GALNT10: variants seen among roughly 807,000 people sequenced by gnomAD.
The protein encoded by GALNT10 is polypeptide N-acetylgalactosaminyltransferase 10.
A neutral mutation model predicts 75.0 loss-of-function variants in GALNT10; 41 were observed. The ratio of observed to expected loss-of-function variants is 0.55; its 90% confidence interval spans 0.43 to 0.71. GALNT10 has a LOEUF of 0.71. Among genes scored for constraint, GALNT10 ranks in the 30% least tolerant of loss-of-function variants. The pLI is 0.00. For missense variants in GALNT10, 727 were observed against 818.5 expected, an observed-to-expected ratio of 0.89 and a Z score of 1.36; for synonymous variants, 302 against 313.0, an observed-to-expected ratio of 0.96 and a Z score of 0.37.
At chr5:154,248,624 G>A (rs868006545) in intron 1 of GALNT10, among the ~76,000 whole-genome samples, 3 of 152,148 alleles carry the variant, frequency 2.0e-5, no homozygotes, top group South Asian at 2.1e-4. Context: ...TTCTCTGATG[G>A]TAGTTTGTAT....
chr5:154,275,001 G>A (rs60901700), intron 1 of GALNT10, among the ~76,000 whole-genome samples: 2,229 of 152,278 alleles, frequency 0.015, 55 homozygotes, highest in African/African-American at 0.05. Context: ...TGGATTGGAA[G>A]GTTTCAGGAA....
rs735181 is a variant in GALNT10 at position 154,321,469 on chromosome 5, G to A, written c.402-8103G>A. On this transcript the variant is annotated intron_variant, in intron 3 of 11. Coordinates refer to ENST00000297107, the MANE Select transcript of GALNT10 (RefSeq NM_198321.4). The stretch of plus-strand genomic sequence containing the variant: ...ACTACAGGTGCCCACCACTACACCC[G>A]GCTAATTGTTTTTTTGTTAGTTTGT... Among the ~76,000 whole-genome samples the A allele has an allele frequency of 2.3e-4, 35 of 152,020 alleles. No homozygotes were observed. In the South Asian group the frequency reaches 4.4e-3, roughly 19 times the overall value.
In GALNT10 at chr5:154,415,781, A is replaced by G; in HGVS notation, c.1504-2A>G. ...CCCTATTTATGATGCCCCTGTGCAC[A>G]GGTATTCACCTTCACCTGGAGAGAG... On this transcript the variant is annotated splice_acceptor_variant, in intron 10 of 11. Transcript: ENST00000297107. LOFTEE classifies it high-confidence loss of function. The G allele has an allele frequency of 6.2e-7, 1 of 1,613,944 alleles. No homozygotes were observed. Among genetic ancestry groups the G allele is most frequent in the Non-Finnish European group, 8.5e-7 (1 of 1,179,862 alleles).
intron 4 of GALNT10, among the ~76,000 whole-genome samples, chr5:154,350,516 G>T (rs1755190825): frequency 6.6e-6 from 1 of 152,192 alleles, no homozygotes; most frequent in Non-Finnish European, 1.5e-5. Context: ...TAGTTAAATA[G>T]ATGTATGTGC....
At chr5:154,396,342 A>G (rs911612344) in intron 7 of GALNT10, among the ~76,000 whole-genome samples, 2 of 152,248 alleles carry the variant, frequency 1.3e-5, no homozygotes, top group Non-Finnish European at 2.9e-5. Flanking sequence ...GCATCCACAT[A>G]GGGAGTCCAG....
chr5:154,368,100 C>T (rs561761000), intron 4 of GALNT10, among the ~76,000 whole-genome samples: 1 of 152,310 alleles, frequency 6.6e-6, no homozygotes. Context: ...AAATCCGGCT[C>T]AGTGGGCCCC....
chr5:154,225,985 G>A (rs1753057960), intron 1 of GALNT10, among the ~76,000 whole-genome samples: 2 of 152,192 alleles, frequency 1.3e-5, no homozygotes, highest in African/African-American at 2.4e-5. Context: ...GCCTGTTGTG[G>A]GGTAGGGGAA....
intron 1 of GALNT10, among the ~76,000 whole-genome samples, chr5:154,264,315 A>G (rs1354110483): frequency 9.9e-6 from 1 of 101,244 alleles, no homozygotes; most frequent in Non-Finnish European, 2.2e-5. Flanking sequence ...TCTGTCTCCA[A>G]AAAAAAAAAA....
intron 7 of GALNT10, among the ~76,000 whole-genome samples, chr5:154,395,832 A>G (rs1264279553): frequency 2.0e-5 from 3 of 152,232 alleles, no homozygotes; most frequent in Non-Finnish European, 2.9e-5. Context: ...GACGAGCAGC[A>G]TTAGCATCAC....
chr5:154,300,428 A>AC (rs1754342849), intron 3 of GALNT10, among the ~76,000 whole-genome samples: 1 of 152,086 alleles, frequency 6.6e-6, no homozygotes, highest in Non-Finnish European at 1.5e-5. Flanking sequence ...CCAGGACCCC[A>AC]CCCCAGACCA....
At chr5:154,391,798 C>CTAT (rs1211124833) in intron 7 of GALNT10, among the ~76,000 whole-genome samples, 3 of 152,218 alleles carry the variant, frequency 2.0e-5, no homozygotes, top group Non-Finnish European at 4.4e-5. Flanking sequence ...TGCCTAGTCC[C>CTAT]TATTTCATCT....
rs948764063 is a variant in GALNT10, at chr5:154,298,196, A to G, written c.401+117A>G. ...GCTGACGGAGACACCCTCCTCTTTC[A>G]CAGGCATTTGTGCAAAGGTTCATGG... On this transcript the variant is annotated intron_variant, in intron 3 of 11. Transcript: ENST00000297107. This position sits in a 1 kb window ranked among gnomAD's most constrained non-coding sequence, Gnocchi z 4.1. The G allele has an allele frequency of 8.9e-6, 8 of 901,088 alleles. No individual in the cohort carries two copies. The African/African-American group carries it at 1.3e-4, about 15-fold the overall frequency. The allele number at this position is 901,088 out of a possible 1,614,324, so 55.8% of individuals were successfully genotyped here. A position where few individuals can be genotyped will look rare whatever the true frequency, so the allele number is the denominator to read the frequency against.
intron 1 of GALNT10, among the ~76,000 whole-genome samples, chr5:154,283,088 C>T (rs1455504816): frequency 6.6e-6 from 1 of 152,132 alleles, no homozygotes; most frequent in East Asian, 1.9e-4. Flanking sequence ...CCTTTGTGCT[C>T]TCTTGTGGTT....
intron 1 of GALNT10, among the ~76,000 whole-genome samples, chr5:154,243,416 C>T (rs1056287186): frequency 3.3e-5 from 5 of 152,198 alleles, no homozygotes; most frequent in South Asian, 2.1e-4. Context: ...CCAGGTGTAC[C>T]TGGGTATACT....
chr5:154,372,919 C>A (rs1278048909), intron 4 of GALNT10, among the ~76,000 whole-genome samples: 1 of 152,170 alleles, frequency 6.6e-6, no homozygotes, highest in East Asian at 1.9e-4. Context: ...TGGGCTTTCC[C>A]ACCTTCAGAA....
intron 2 of GALNT10, 34 bp downstream of exon 2, chr5:154,294,952 T>G: frequency 9.3e-6 from 9 of 970,750 alleles, no homozygotes; most frequent in Non-Finnish European, 1.5e-5. Context: ...GGGTGGGCTC[T>G]GTGAAGGGCA....
intron 8 of GALNT10, among the ~76,000 whole-genome samples, chr5:154,408,631 T>C (rs892675534): frequency 2.6e-5 from 4 of 152,018 alleles, no homozygotes; most frequent in Non-Finnish European, 5.9e-5. Flanking sequence ...TTGCCAATCA[T>C]GTGGCTGTCA....
intron 3 of GALNT10, among the ~76,000 whole-genome samples, chr5:154,317,650 C>T (rs1005118735): frequency 2.0e-5 from 3 of 152,112 alleles, no homozygotes; most frequent in East Asian, 3.9e-4. Flanking sequence ...CAGAAGCCAT[C>T]GCTGGGTCCA....
chr5:154,394,810 A>T lies in GALNT10; in HGVS notation c.1056+8380A>T, dbSNP rs977045156. On this transcript the variant is annotated intron_variant, in intron 7 of 11. Transcript: ENST00000297107. ...ACCCTCTGCCTCGGACAGCTGCAGC[A>T]TGGCTGCCAGGAACCTGGTCCTCAT... 3.4e-4 allele frequency among the ~76,000 whole-genome samples: 51 copies of T among 152,226 alleles called. 1 individual carries two copies. Among genetic ancestry groups the T allele is most frequent in the Non-Finnish European group, 1.3e-4 (9 of 68,036 alleles).
Sources: gnomAD v4.1 joint callset for allele counts (sites outside exome capture counted in the v4.1 genomes callset) on GRCh38, gnomAD v4.1.1 for gene constraint, Gnocchi (gnomAD v3.1) non-coding constraint, MANE v1.5 for transcripts, NCBI Gene and HGNC (gene_info 2026-07-23, HGNC 2026-07-21) for gene names.